The following EIF4E1B variants were observed in gnomAD, a reference collection of about 807,000 sequenced individuals.
EIF4E1B encodes eukaryotic translation initiation factor 4E family member 1B, also known as eukaryotic translation initiation factor 4E type 1B.
Under a neutral mutation model 31.3 loss-of-function variants are expected in EIF4E1B, and 22 were observed. The ratio of observed to expected loss-of-function variants is 0.70; its 90% CI spans 0.50 to 1.00. EIF4E1B has a LOEUF of 1.00. Ranked by LOEUF, EIF4E1B falls within the 50% of genes least tolerant of loss-of-function variation. The pLI is 0.00. For synonymous variants in EIF4E1B, 126 were observed against 120.2 expected (o/e 1.05, Z -0.31); for missense variants, 290 against 311.6 (o/e 0.93, Z 0.52).
intron 1 of EIF4E1B, among the ~76,000 whole-genome samples, chr5:176,635,474 A>G (rs544699704): frequency 2.6e-5 from 4 of 152,364 alleles, no homozygotes; most frequent in South Asian, 4.1e-4. Context: ...CAAGGGATCT[A>G]GCAGGTGGGA....
At chr5:176,642,859 C>G (rs1014518974) in intron 3 of EIF4E1B, 57 bp downstream of exon 3, 1 of 1,300,112 alleles carries the variant, frequency 7.7e-7, no homozygotes, top group African/African-American at 2.0e-5. Flanking sequence ...TCTCCCCCCC[C>G]CCCCCCGCCC....
chr5:176,642,714 TG>T lies in EIF4E1B; in HGVS notation c.-72del. 1.3e-6 allele frequency: 2 copies of T among 1,547,106 alleles called. No individual in the cohort carries two copies. Among genetic ancestry groups the T allele is most frequent in the African/African-American group, 2.7e-5 (2 of 72,984 alleles). On this transcript the variant is annotated 5_prime_UTR_variant, in exon 3 of 9. Transcript: ENST00000318682. ...AATATTGACGCTTACCTTCAGGTCT[TG>T]GCCCCCATGGTGTGGGGCTTGGTCA...
chr5:176,645,817 T>A lies in EIF4E1B; in HGVS notation c.615-49T>A. On this transcript the variant is annotated intron_variant, in intron 8 of 8. Coordinates refer to ENST00000318682, the MANE Select transcript of EIF4E1B (RefSeq NM_001099408.2). The surrounding 1 kb of genome is among the most constrained non-coding windows in gnomAD (Gnocchi z 5.4). ...GTGGCCTAAGTTATCTCTAGGACCC[T>A]CTGATGACTACCTGTGTCTCTTTTC... 1 of 1,482,146 alleles carries A rather than the reference T, an allele frequency of 6.7e-7. No individual in the cohort carries two copies. 91.8% of individuals were successfully genotyped at this position (1,482,146 alleles called of 1,614,324 possible).
intron 3 of EIF4E1B, 58 bp downstream of exon 3, chr5:176,642,860 C>CTCCCCG: frequency 7.6e-7 from 1 of 1,308,508 alleles, no homozygotes. Context: ...CTCCCCCCCC[C>CTCCCCG]CCCCCGCCCC....
At position 176,645,243 on chromosome 5, in the gene EIF4E1B, G is replaced by T; in HGVS notation, c.474G>T (p.Thr158=). The T allele has an allele frequency of 2.5e-6, 4 of 1,599,030 alleles. No individual in the cohort carries two copies. The highest frequency in any genetic ancestry group is 3.4e-6 in the Non-Finnish European group (4 of 1,173,230). Residue 158 remains threonine, a splice_region_variant and synonymous_variant, in exon 7 of 9, where the codon ACG becomes ACT. Transcript: ENST00000318682. This position sits in a 1 kb window ranked among gnomAD's most constrained non-coding sequence, Gnocchi z 5.4. ...HIELDRLWLE[T]LLCLIGESFE... The stretch of plus-strand genomic sequence containing the variant: ...AGCTGGACCGGCTGTGGCTGGAGAC[G>T]GTGAGTTGGAGGAGGAGGGTCCTCA...
chr5:176,645,879 G>A lies in EIF4E1B; in HGVS notation c.628G>A (p.Glu210Lys), dbSNP rs1760693862. 6.3e-7 allele frequency: 1 copy of A among 1,596,184 alleles called. No individual in the cohort carries two copies. The highest frequency in any genetic ancestry group is 1.1e-5 in the South Asian group (1 of 88,288). Residue 210 changes from glutamate to lysine, a missense_variant, in exon 9 of 9, where the codon GAG (glutamate) becomes AAG (lysine). Physicochemically the swap from Glu to Lys is moderately conservative, Grantham distance 56 (BLOSUM62 1). Transcript: ENST00000318682. This position sits in a 1 kb window ranked among gnomAD's most constrained non-coding sequence, Gnocchi z 5.4. The part of the protein sequence containing the change: ...GVLHVGRVYK[E>K]RLGLSPKTII... ...CCGCACCTGCAGGCGTGTATACAAAGAGCGCCTGGGCCTCTCCCCAAAGAC... is the reference window on the plus strand; with the variant it reads ...CCGCACCTGCAGGCGTGTATACAAAAAGCGCCTGGGCCTCTCCCCAAAGAC...
intron 1 of EIF4E1B, among the ~76,000 whole-genome samples, chr5:176,637,011 C>G (rs549490787): frequency 1.3e-5 from 2 of 152,212 alleles, no homozygotes; most frequent in Non-Finnish European, 2.9e-5. Flanking sequence ...TCCACTGTGC[C>G]GCTCTTGTAA....
At chr5:176,642,987 G>A in intron 3 of EIF4E1B, 95 bp from the exon 4 acceptor site, 1 of 1,517,094 alleles carries the variant, frequency 6.6e-7, no homozygotes, top group Non-Finnish European at 8.9e-7. Flanking sequence ...TGAGTCCCCT[G>A]CCTTCCCCTC....
chr5:176,631,933 TG>T (rs1760401653), intron 1 of EIF4E1B, among the ~76,000 whole-genome samples: 1 of 152,184 alleles, frequency 6.6e-6, no homozygotes, highest in African/African-American at 2.4e-5. Flanking sequence ...TGTACAGGAC[TG>T]GCTAGCTAAC....
rs574266946 is a variant in EIF4E1B at position 176,643,752 on chromosome 5, G to A, written c.296+18G>A. ...TTCTGGGCGTGAGTGTCTGTCCCCA[G>A]TGGGGCTAGAGTTGGGGGGCTCTGA... On this transcript the variant is annotated intron_variant, in intron 5 of 8. Coordinates refer to ENST00000318682, the MANE Select transcript of EIF4E1B (RefSeq NM_001099408.2). 1.2e-5 allele frequency: 20 copies of A among 1,605,726 alleles called. No individual in the cohort carries two copies. The East Asian group carries it at 3.1e-4, about 25-fold the overall frequency.
intron 1 of EIF4E1B, among the ~76,000 whole-genome samples, chr5:176,635,265 A>C (rs1160188235): frequency 2.0e-5 from 3 of 152,030 alleles, no homozygotes; most frequent in Non-Finnish European, 2.9e-5. Context: ...TCGACGAGAT[A>C]AATGCTAGAG....
At position 176,645,429 on chromosome 5, in the gene EIF4E1B, G is replaced by A. The variant is rs954932855; in HGVS notation, c.527G>A (p.Gly176Glu). The A allele has an allele frequency of 6.6e-7, 1 of 1,516,166 alleles. No individual in the cohort carries two copies. The allele number at this position is 1,516,166 out of a possible 1,614,324, so 93.9% of individuals were successfully genotyped here. Residue 176 changes from glycine (G) to glutamate (E), a missense_variant, in exon 8 of 9, where the codon GGG becomes GAG. Gly to Glu is a moderately conservative substitution (Grantham distance 98). Transcript: ENST00000318682. This position sits in a 1 kb window ranked among gnomAD's most constrained non-coding sequence, Gnocchi z 5.4. ...SFEEHSREVC[G>E]AVVNIRTKGD... ...GAGGAACACAGCAGAGAGGTATGTG[G>A]GGCCGTCGTCAACATCCGCACCAAG...
chr5:176,641,160 TAAAACAAAAC>T (rs910569175), intron 1 of EIF4E1B, among the ~76,000 whole-genome samples: 2 of 151,724 alleles, frequency 1.3e-5, no homozygotes, highest in Non-Finnish European at 2.9e-5. Context: ...CTCTACAAAA[TAAAACAAAAC>T]AAAACAAAAC....
rs1554151038 is a variant in EIF4E1B, at chr5:176,642,856, C to CT, written c.15+54_15+55insT. The CT allele has an allele frequency of 2.4e-5, 30 of 1,270,840 alleles. 1 individual carries two copies. The highest frequency in any genetic ancestry group is 1.1e-4 in the East Asian group (3 of 27,592). 78.7% of individuals were successfully genotyped at this position (1,270,840 alleles called of 1,614,324 possible). A position where few individuals can be genotyped will look rare whatever the true frequency, so the allele number is the denominator to read the frequency against. On this transcript the variant is annotated intron_variant, in intron 3 of 8. Coordinates refer to ENST00000318682, the MANE Select transcript of EIF4E1B (RefSeq NM_001099408.2). ...TGCACCATGGCCCCGCCCTCTCCCC[C>CT]CCCCCCCCCGCCCCAGGTGGGCGGG...
rs575907394 is a variant in EIF4E1B, at chr5:176,642,982, C to T, written c.16-100C>T. On this transcript the variant is annotated intron_variant, in intron 3 of 8. Coordinates refer to ENST00000318682, the MANE Select transcript of EIF4E1B (RefSeq NM_001099408.2). ...CATGGCTACTGAAGGCCTTGTGAGT[C>T]CCCTGCCTTCCCCTCCTGGAGCAGG... The T allele has an allele frequency of 1.0e-3, 1,550 of 1,510,272 alleles. 29 individuals are homozygous for T. In the South Asian group the frequency reaches 0.019, roughly 18 times the overall value. 93.6% of individuals were successfully genotyped at this position (1,510,272 alleles called of 1,614,324 possible).
rs1312463138 is a variant in EIF4E1B at position 176,638,765 on chromosome 5, GT to G, written c.-201-3275del. On this transcript the variant is annotated intron_variant, in intron 1 of 8. Transcript: ENST00000318682. This position sits in a 1 kb window ranked among gnomAD's most constrained non-coding sequence, Gnocchi z 4.3. ...GGATCACATCCTGGGTGTCCTGGAGGTTTGTTTGTTTGTTTGTTTGTTTGTT... is the reference window on the plus strand; with the variant it reads ...GGATCACATCCTGGGTGTCCTGGAGGTTGTTTGTTTGTTTGTTTGTTTGTT... 7.3e-6 allele frequency among the ~76,000 whole-genome samples: 1 copy of G among 137,076 alleles called. No individual in the cohort carries two copies. Among genetic ancestry groups the G allele is most frequent in the Non-Finnish European group, 1.5e-5 (1 of 67,486 alleles). The allele number at this position is 137,076 out of a possible 152,430, so 89.9% of individuals were successfully genotyped here.
chr5:176,645,792 G>A lies in EIF4E1B; in HGVS notation c.615-74G>A, dbSNP rs1474319984. 3 of 1,342,918 alleles carry A rather than the reference G, an allele frequency of 2.2e-6. No individual in the cohort carries two copies. The highest frequency in any genetic ancestry group is 1.9e-4 in the Middle Eastern group (1 of 5,340). 83.2% of individuals were successfully genotyped at this position (1,342,918 alleles called of 1,614,324 possible). ...TGGCCAGAATGAGGGTAGGAGTCTG[G>A]TGGCCTAAGTTATCTCTAGGACCCT... On this transcript the variant is annotated intron_variant, in intron 8 of 8. Coordinates refer to ENST00000318682, the MANE Select transcript of EIF4E1B (RefSeq NM_001099408.2). This position sits in a 1 kb window ranked among gnomAD's most constrained non-coding sequence, Gnocchi z 5.4.
Position 176,633,098 on chromosome 5 carries a change from G to A in EIF4E1B, c.-202+2034G>A, listed in dbSNP as rs116585802. Among the ~76,000 whole-genome samples, 952 of 152,316 alleles carry A rather than the reference G, an allele frequency of 6.3e-3. 3 individuals are homozygous for A. The highest frequency in any genetic ancestry group is 0.021 in the African/African-American group (856 of 41,560). On this transcript the variant is annotated intron_variant, in intron 1 of 8. Coordinates refer to ENST00000318682, the MANE Select transcript of EIF4E1B (RefSeq NM_001099408.2). ...ACTGTCCATGCCCAGCCATGGCATCGGGATTCTTCATAGGTCTGCCTGGTA... is the reference window on the plus strand; with the variant it reads ...ACTGTCCATGCCCAGCCATGGCATCAGGATTCTTCATAGGTCTGCCTGGTA...
chr5:176,633,213 T>G (rs997697033), intron 1 of EIF4E1B, among the ~76,000 whole-genome samples: 41 of 150,192 alleles, frequency 2.7e-4, no homozygotes, highest in Admixed American at 9.3e-4. Flanking sequence ...CCAGTGTTTT[T>G]TTTGTTTGTT....
Sources: allele counts gnomAD v4.1 joint callset (sites outside exome capture counted in the v4.1 genomes callset), GRCh38; gene constraint gnomAD v4.1.1; non-coding constraint Gnocchi (gnomAD v3.1); transcripts MANE v1.5; gene names NCBI Gene and HGNC (gene_info 2026-07-23, HGNC 2026-07-21).